The following SLX4IP variants were observed in gnomAD, a reference collection of about 807,000 sequenced individuals.
SLX4IP encodes SLX4 interacting protein, also known as protein SLX4IP.
A neutral mutation model predicts 32.9 loss-of-function variants in SLX4IP; 34 were observed. That is an observed-to-expected ratio of 1.03 (90% CI 0.79 to 1.38). The LOEUF is 1.38. Ranked by LOEUF, SLX4IP falls within the 40% of genes most tolerant of loss-of-function variation. The pLI is 0.00. For missense variants in SLX4IP, 444 were observed against 479.0 expected (o/e 0.93, Z 0.68); for synonymous variants, 172 against 171.7 (o/e 1.00, Z -0.01).
rs767689042 is a variant in SLX4IP at position 10,560,719 on chromosome 20, A to G, written c.137A>G (p.Lys46Arg). ...QKKEEVCLLL[K>R]ETIDSRVQEY... Reference sequence around the variant, plus strand: ...CTTTAGGAAGTCTGTTTACTGTTAAAAGAAACCATTGATTCAAGAGTTCAG... The same window carrying G: ...CTTTAGGAAGTCTGTTTACTGTTAAGAGAAACCATTGATTCAAGAGTTCAG... The change falls in exon 4 of 8, where the codon AAA (lysine) becomes AGA (arginine). Residue 46 changes from lysine to arginine, a missense_variant. By Grantham distance (26) the Lys-to-Arg change is conservative (BLOSUM62 2). Transcript: ENST00000334534. 5 of 1,589,746 alleles carry G rather than the reference A, an allele frequency of 3.1e-6. No homozygotes were observed. In the East Asian group the frequency reaches 1.1e-4, roughly 36 times the overall value.
intron 2 of SLX4IP, among the ~76,000 whole-genome samples, chr20:10,541,706 CTG>C (rs113584717): frequency 0.029 from 4,390 of 152,268 alleles, 109 homozygotes; most frequent in Admixed American, 0.09. Context: ...GATACTGAGA[CTG>C]AGAATGATGT....
intron 6 of SLX4IP, among the ~76,000 whole-genome samples, chr20:10,619,271 A>C (rs999577686): frequency 7.8e-6 from 1 of 128,818 alleles, no homozygotes; most frequent in African/African-American, 3.0e-5. Flanking sequence ...TTTGAACAGG[A>C]CATTTCCTCC....
At chr20:10,593,901 T>G (rs959588329) in intron 4 of SLX4IP, among the ~76,000 whole-genome samples, 3 of 152,220 alleles carry the variant, frequency 2.0e-5, no homozygotes, top group Non-Finnish European at 4.4e-5. Flanking sequence ...TGGATCCGAT[T>G]CAAAGGAAAA....
intron 4 of SLX4IP, among the ~76,000 whole-genome samples, chr20:10,590,836 G>A (rs1224712373): frequency 3.3e-5 from 5 of 152,156 alleles, no homozygotes; most frequent in Admixed American, 2.6e-4. Context: ...TAGCTCTGCC[G>A]AAGACACACA....
intron 2 of SLX4IP, among the ~76,000 whole-genome samples, chr20:10,508,282 G>A (rs1348089866): frequency 1.3e-5 from 2 of 152,162 alleles, no homozygotes; most frequent in African/African-American, 4.8e-5. Context: ...ATGCCAATGC[G>A]GGCAGAGCCT....
chr20:10,585,138 TGCAAAGTTCC>T (rs2066631000), intron 4 of SLX4IP, among the ~76,000 whole-genome samples: 1 of 152,226 alleles, frequency 6.6e-6, no homozygotes, highest in Non-Finnish European at 1.5e-5. Flanking sequence ...TTCTCATCTT[TGCAAAGTTCC>T]CAGAACAGAT....
At chr20:10,458,147 C>T in intron 1 of SLX4IP, 29 bp from the exon 2 acceptor site, 1 of 1,443,906 alleles carries the variant, frequency 6.9e-7, no homozygotes, top group Non-Finnish European at 9.3e-7. Flanking sequence ...TTTTAATATA[C>T]CTAATTGTAA....
chr20:10,446,753 T>A (rs562316275), intron 1 of SLX4IP, among the ~76,000 whole-genome samples: 94 of 152,376 alleles, frequency 6.2e-4, no homozygotes, highest in African/African-American at 2.0e-3. Context: ...TTTTTTACCA[T>A]CTGTATATCC....
At chr20:10,461,308 A>T (rs553067391) in intron 2 of SLX4IP, among the ~76,000 whole-genome samples, 262 of 152,362 alleles carry the variant, frequency 1.7e-3, no homozygotes, top group Non-Finnish European at 3.0e-3. Context: ...TGGAAATGGC[A>T]TATTCTGCTA....
chr20:10,507,234 G>A (rs1052374440), intron 2 of SLX4IP, among the ~76,000 whole-genome samples: 4 of 152,166 alleles, frequency 2.6e-5, no homozygotes, highest in African/African-American at 9.7e-5. Flanking sequence ...GAGGATATGC[G>A]ATTTGAACTA....
intron 4 of SLX4IP, among the ~76,000 whole-genome samples, chr20:10,566,931 G>C (rs944546639): frequency 6.6e-6 from 1 of 152,174 alleles, no homozygotes; most frequent in Non-Finnish European, 1.5e-5. Flanking sequence ...TGAAGATAAG[G>C]CATTGGCTCC....
chr20:10,477,534 T>C (rs1313468747), intron 2 of SLX4IP, among the ~76,000 whole-genome samples: 1 of 152,216 alleles, frequency 6.6e-6, no homozygotes, highest in Non-Finnish European at 1.5e-5. Flanking sequence ...CCCAAAGTGC[T>C]GGGATTACAG....
At chr20:10,442,724 C>A (rs1406417558) in intron 1 of SLX4IP, among the ~76,000 whole-genome samples, 1 of 152,216 alleles carries the variant, frequency 6.6e-6, no homozygotes, top group Non-Finnish European at 1.5e-5. Context: ...GAGCTTGTTG[C>A]ATCCTGCTGA....
At chr20:10,446,845 A>AT in intron 1 of SLX4IP, among the ~76,000 whole-genome samples, 1 of 152,290 alleles carries the variant, frequency 6.6e-6, no homozygotes, top group Middle Eastern at 3.4e-3. Context: ...GAGACTATGT[A>AT]TTCTAGATAG....
intron 2 of SLX4IP, among the ~76,000 whole-genome samples, chr20:10,492,392 T>G (rs649280): frequency 0.39 from 59,424 of 152,006 alleles, 11,844 homozygotes; most frequent in Non-Finnish European, 0.43. Context: ...TTGGGAATTC[T>G]TGGTATTGCT....
intron 6 of SLX4IP, among the ~76,000 whole-genome samples, chr20:10,611,300 T>C (rs1427846114): frequency 6.6e-6 from 1 of 152,194 alleles, no homozygotes; most frequent in African/African-American, 2.4e-5. Context: ...TTGAACCTTT[T>C]CATTTTCACG....
intron 2 of SLX4IP, among the ~76,000 whole-genome samples, chr20:10,476,398 ATTCCATTTGTAC>A (rs1355289350): frequency 2.0e-5 from 3 of 152,216 alleles, no homozygotes; most frequent in Non-Finnish European, 2.9e-5. Flanking sequence ...TTGACTCAGC[ATTCCATTTGTAC>A]TTCCTCCACA....
At chr20:10,582,243 C>T (rs1215755226) in intron 4 of SLX4IP, among the ~76,000 whole-genome samples, 3 of 152,082 alleles carry the variant, frequency 2.0e-5, no homozygotes, top group African/African-American at 7.2e-5. Context: ...TTAGACCTTC[C>T]CAGACACCTG....
chr20:10,457,135 A>G (rs1268282432), intron 1 of SLX4IP, among the ~76,000 whole-genome samples: 2 of 152,114 alleles, frequency 1.3e-5, no homozygotes, highest in Non-Finnish European at 2.9e-5. Context: ...GGTTTTCTAT[A>G]TATGAGAACA....
Sources: gnomAD v4.1 joint callset for allele counts (sites outside exome capture counted in the v4.1 genomes callset) on GRCh38, gnomAD v4.1.1 for gene constraint, MANE v1.5 for transcripts, NCBI Gene and HGNC (gene_info 2026-07-23, HGNC 2026-07-21) for gene names.